The following NRG1 variants were observed in gnomAD, a reference collection of about 807,000 sequenced individuals.
NRG1 encodes pro-neuregulin-1, membrane-bound isoform.
Under a neutral mutation model 63.8 loss-of-function variants are expected in NRG1, and 18 were observed. That is an observed-to-expected ratio of 0.28 (90% CI 0.19 to 0.42). NRG1 has a LOEUF of 0.42. Ranked by LOEUF, NRG1 falls within the 10% of genes least tolerant of loss-of-function variation. The pLI is 1.00. For missense variants in NRG1, 762 were observed against 814.7 expected (o/e 0.94, Z 0.79); for synonymous variants, 302 against 301.3 (o/e 1.00, Z -0.02).
chr8:31,655,534 G>C (rs1344333998), intron 1 of NRG1, among the ~76,000 whole-genome samples: 1 of 152,110 alleles, frequency 6.6e-6, no homozygotes, highest in East Asian at 1.9e-4. Context: ...TCAGCACAAA[G>C]GAAGCAAAAA....
At position 31,855,343 on chromosome 8, in the gene NRG1, A is replaced by G. The variant is rs368185047; in HGVS notation, c.37+215912A>G. ...TAGGATAGTTAGCTCTTCTTGTTGA[A>G]TTGATCCCTTTACCATTATGTAATG... is the stretch of plus-strand genomic sequence containing the variant. On this transcript the variant is annotated intron_variant, in intron 1 of 10. Transcript: ENST00000519301. Among the ~76,000 whole-genome samples, 152 of 152,268 alleles carry G rather than the reference A, an allele frequency of 1.0e-3. 2 individuals carry two copies. The East Asian group carries it at 0.025, about 25-fold the overall frequency.
chr8:31,701,328 C>T (rs1810606077), intron 1 of NRG1, among the ~76,000 whole-genome samples: 3 of 152,118 alleles, frequency 2.0e-5, no homozygotes. Context: ...GAACATTTCT[C>T]ACTCTTGTGA....
intron 1 of NRG1, among the ~76,000 whole-genome samples, chr8:32,266,811 G>A (rs976582315): frequency 1.3e-5 from 2 of 151,164 alleles, no homozygotes; most frequent in African/African-American, 4.9e-5. Flanking sequence ...TGAGGTGGGT[G>A]GATCATGAGG....
At chr8:32,616,392 T>C (rs1847367841) in intron 4 of NRG1, among the ~76,000 whole-genome samples, 1 of 152,172 alleles carries the variant, frequency 6.6e-6, no homozygotes, top group African/African-American at 2.4e-5. Flanking sequence ...CTGGAAATAC[T>C]CTCAATCTTG....
chr8:32,229,504 GTCTCAAGGCAGTTTCCAGC>G (rs1481568147), intron 1 of NRG1, among the ~76,000 whole-genome samples: 1 of 152,106 alleles, frequency 6.6e-6, no homozygotes, highest in East Asian at 1.9e-4. Context: ...AAGGCCAATG[GTCTCAAGGCAGTTTCCAGC>G]TCTCTGGCAA....
chr8:32,759,598 T>A (rs1830330815), intron 10 of NRG1, among the ~76,000 whole-genome samples, 162 bp downstream of exon 10: 1 of 152,190 alleles, frequency 6.6e-6, no homozygotes, highest in Non-Finnish European at 1.5e-5. Flanking sequence ...CTGCATAAAT[T>A]TGAACCTCAA....
chr8:32,364,956 A>ATTTTTTTTT (rs1807744817), intron 1 of NRG1, among the ~76,000 whole-genome samples: 2 of 83,060 alleles, frequency 2.4e-5, no homozygotes, highest in African/African-American at 5.7e-5. Context: ...TCCCTTTACT[A>ATTTTTTTTT]CTTTTTTTTT....
intron 1 of NRG1, among the ~76,000 whole-genome samples, chr8:31,772,197 T>C (rs1374077108): frequency 6.6e-6 from 1 of 152,216 alleles, no homozygotes; most frequent in Non-Finnish European, 1.5e-5. Flanking sequence ...ATCTCCCTTT[T>C]CAAAGCTGTT....
chr8:32,383,859 C>T (rs542885381), intron 1 of NRG1, among the ~76,000 whole-genome samples: 152 of 152,316 alleles, frequency 1.0e-3, no homozygotes, highest in African/African-American at 3.5e-3. Flanking sequence ...GAATGCATAG[C>T]CCCACTTCGT....
At chr8:32,237,994 C>T (rs1329031286) in intron 1 of NRG1, among the ~76,000 whole-genome samples, 1 of 152,118 alleles carries the variant, frequency 6.6e-6, no homozygotes, top group African/African-American at 2.4e-5. Context: ...AATTTGCAAA[C>T]AAATACAGCA....
chr8:31,639,719 G>T, intron 1 of NRG1: 1 of 1,375,556 alleles, frequency 7.3e-7, no homozygotes, highest in Non-Finnish European at 9.3e-7. Context: ...CTGAGGCGGC[G>T]GCAGCGGTTT....
At position 32,643,924 on chromosome 8, in the gene NRG1, T is replaced by C. The variant is rs374463314; in HGVS notation, c.502+27039T>C. Among the ~76,000 whole-genome samples, 4 of 152,310 alleles carry C rather than the reference T, an allele frequency of 2.6e-5. No homozygotes were observed. In the South Asian group the frequency reaches 6.2e-4, roughly 24 times the overall value. Reference sequence around the variant, plus strand: ...CATAGTCTCTCCTTGAAGTGGTATGTAATCAATAATATAATCAAATGCACC... The same window carrying C: ...CATAGTCTCTCCTTGAAGTGGTATGCAATCAATAATATAATCAAATGCACC... On this transcript the variant is annotated intron_variant, in intron 5 of 11. Transcript: ENST00000356819.
At chr8:32,070,931 C>A (rs1825668066) in intron 1 of NRG1, among the ~76,000 whole-genome samples, 2 of 152,158 alleles carry the variant, frequency 1.3e-5, no homozygotes, top group South Asian at 4.1e-4. Flanking sequence ...CTGCGTCCTC[C>A]CACCTCACCT....
intron 1 of NRG1, among the ~76,000 whole-genome samples, chr8:31,738,155 G>A (rs529242137): frequency 9.2e-5 from 14 of 152,180 alleles, no homozygotes; most frequent in African/African-American, 3.1e-4. Flanking sequence ...GGAAGAGGAT[G>A]AGGCCTATAA....
chr8:31,703,396 T>C (rs1443629421), intron 1 of NRG1, among the ~76,000 whole-genome samples: 1 of 152,142 alleles, frequency 6.6e-6, no homozygotes, highest in East Asian at 1.9e-4. Flanking sequence ...TTGAACTAAA[T>C]TGAAAAATTT....
At chr8:32,738,425 T>TACACAC (rs35398326) in intron 6 of NRG1, among the ~76,000 whole-genome samples, 62 of 149,764 alleles carry the variant, frequency 4.1e-4, no homozygotes, top group Middle Eastern at 3.4e-3. Context: ...GGTATATACA[T>TACACAC]ACACACACAC....
At chr8:31,656,421 T>C (rs1296432872) in intron 1 of NRG1, among the ~76,000 whole-genome samples, 2 of 152,206 alleles carry the variant, frequency 1.3e-5, no homozygotes, top group African/African-American at 2.4e-5. Flanking sequence ...GACAGAGTTC[T>C]GGCCAATGCC....
intron 1 of NRG1, among the ~76,000 whole-genome samples, chr8:32,524,975 G>A (rs903104524): frequency 4.6e-5 from 7 of 152,260 alleles, no homozygotes; most frequent in East Asian, 3.9e-4. Flanking sequence ...AAGCTTTTCC[G>A]TTAAGTTTTT....
intron 1 of NRG1, among the ~76,000 whole-genome samples, chr8:31,724,005 T>C (rs958883234): frequency 6.6e-6 from 1 of 152,108 alleles, no homozygotes; most frequent in Non-Finnish European, 1.5e-5. Flanking sequence ...ATTTGCTTGG[T>C]CACTTTTCTT....
Sources: allele counts gnomAD v4.1 joint callset (sites outside exome capture counted in the v4.1 genomes callset), GRCh38; gene constraint gnomAD v4.1.1; transcripts MANE v1.5; gene names NCBI Gene and HGNC (gene_info 2026-07-23, HGNC 2026-07-21).